The following PRRC2A variants were observed in gnomAD, a reference collection of about 807,000 sequenced individuals.
PRRC2A encodes protein PRRC2A.
A neutral mutation model predicts 224.6 loss-of-function variants in PRRC2A; 59 were observed. That is an observed-to-expected ratio of 0.26 (90% CI 0.21 to 0.33). PRRC2A has a LOEUF of 0.33. Among genes scored for constraint, PRRC2A ranks in the 10% least tolerant of loss-of-function variants. PRRC2A has a pLI of 1.00. For synonymous variants in PRRC2A, 1,194 were observed against 1,109.5 expected (o/e 1.08, Z -1.51); for missense variants, 3,095 against 2,880.7 (o/e 1.07, Z -1.70).
At chr6:31,630,505 G>T (rs1205520335) in intron 14 of PRRC2A, 86 bp from the exon 15 acceptor site, 3 of 1,396,894 alleles carry the variant, frequency 2.1e-6, no homozygotes, top group African/African-American at 1.4e-5. Context: ...TGGAAGAGCT[G>T]ACTTGACCGC....
chr6:31,636,044 T>A lies in PRRC2A; in HGVS notation c.5619T>A (p.Pro1873=). The A allele has an allele frequency of 6.2e-7, 1 of 1,610,922 alleles. No homozygotes were observed. The highest frequency in any genetic ancestry group is 8.5e-7 in the Non-Finnish European group (1 of 1,177,158). The change falls in exon 25 of 31, where the codon CCT becomes CCA. Residue 1873 remains proline, a synonymous_variant. Transcript: ENST00000376033. This position sits in a 1 kb window ranked among gnomAD's most constrained non-coding sequence, Gnocchi z 4.3. ...GCCCTGGGACACCCTCACTGCACCCTTACAGGTAAGACTCGATGCCTGTGG... is the reference window on the plus strand; with the variant it reads ...GCCCTGGGACACCCTCACTGCACCCATACAGGTAAGACTCGATGCCTGTGG... ...GFRPGTPSLH[P]YRSQPLYLPP...
rs1475186026 is a variant in PRRC2A, at chr6:31,631,182, A to G, written c.2509A>G (p.Ser837Gly). ...ACCTCCCCCACCACCCTATCTGGCC[A>G]GTTATCCAGGCTTTCCTGAGAATGG... is the stretch of plus-strand genomic sequence containing the variant. The part of the protein sequence containing the change: ...PVPPPPPYLA[S>G]YPGFPENGAP... Residue 837 changes from serine to glycine, a missense_variant, in exon 16 of 31, where the codon AGT becomes GGT. Ser to Gly is a moderately conservative substitution (Grantham distance 56). This residue lies in a region of PRRC2A where 2,001 missense variants were observed against 1,764.9 expected (regional missense o/e 1.13). Coordinates refer to ENST00000376033, the MANE Select transcript of PRRC2A (RefSeq NM_004638.4). The surrounding 1 kb of genome is among the most constrained non-coding windows in gnomAD (Gnocchi z 4.5). 6.3e-7 allele frequency: 1 copy of G among 1,575,760 alleles called. No homozygotes were observed. The highest frequency in any genetic ancestry group is 8.6e-7 in the Non-Finnish European group (1 of 1,162,062).
intron 16 of PRRC2A, 104 bp downstream of exon 16, chr6:31,633,096 G>T (rs1776862741): frequency 4.4e-6 from 6 of 1,364,496 alleles, no homozygotes; most frequent in Non-Finnish European, 5.8e-6. Context: ...TGGCCTGAGG[G>T]GCCATGGGCT....
chr6:31,628,106 A>G lies in PRRC2A; in HGVS notation c.1632A>G (p.Thr544=), dbSNP rs1776125454. Residue 544 remains threonine, a synonymous_variant, in exon 12 of 31, where the codon ACA becomes ACG. Transcript: ENST00000376033. ...CAGCATCAGCCCCAACACCAGAGAC[A>G]GAACCTGAAGAGCCAGCACAGGCCC... ...PPPASAPTPE[T]EPEEPAQAPP... is the part of the protein sequence containing the mutation. The G allele has an allele frequency of 1.2e-6, 2 of 1,613,156 alleles. No individual in the cohort carries two copies.
In PRRC2A at chr6:31,636,288, C is replaced by G. The variant is rs750068071; in HGVS notation, c.5704C>G (p.Leu1902Val). 2.5e-6 allele frequency: 4 copies of G among 1,613,026 alleles called. No individual in the cohort carries two copies. The highest frequency in any genetic ancestry group is 2.2e-5 in the South Asian group (2 of 91,086). ...TGGGTTAGCTCTCAAGGGCCAGTTT[C>G]TGGATTTCTCCACAATGCAAGCTAC... is the stretch of plus-strand genomic sequence containing the variant. Reference protein sequence around the residue: ...LSGLALKGQFLDFSTMQATEL... With the variant: ...LSGLALKGQFVDFSTMQATEL... Residue 1902 changes from leucine (L) to valine (V), a missense_variant, in exon 26 of 31, where the codon CTG becomes GTG. By Grantham distance (32) the Leu-to-Val change is conservative. Transcript: ENST00000376033. The surrounding 1 kb of genome is among the most constrained non-coding windows in gnomAD (Gnocchi z 4.3).
Position 31,629,748 on chromosome 6 carries a change from T to C in PRRC2A, c.2157T>C (p.Phe719=). ...GRPPPMPPMN[F]DPRWMMIPPY... ...CCCCACCCATGCCCCCAATGAACTT[T>C]GATCCCCGATGGATGATGATTCCTC... Residue 719 remains phenylalanine, a synonymous_variant, in exon 14 of 31, where the codon TTT becomes TTC. Transcript: ENST00000376033. The C allele has an allele frequency of 6.2e-7, 1 of 1,612,660 alleles. No homozygotes were observed. The highest frequency in any genetic ancestry group is 1.1e-5 in the South Asian group (1 of 90,924).
intron 14 of PRRC2A, 106 bp from the exon 15 acceptor site, chr6:31,630,485 G>A (rs1776423147): frequency 8.7e-7 from 1 of 1,148,216 alleles, no homozygotes; most frequent in Non-Finnish European, 1.3e-6. Context: ...GACCTACTGG[G>A]AACAAGAGAT....
In PRRC2A at chr6:31,627,707, A is replaced by T. The variant is rs1776069699; in HGVS notation, c.1291-58A>T. The T allele has an allele frequency of 3.6e-5, 56 of 1,576,514 alleles. No homozygotes were observed. The highest frequency in any genetic ancestry group is 4.8e-5 in the Non-Finnish European group (56 of 1,159,808). On this transcript the variant is annotated intron_variant, in intron 11 of 30. Transcript: ENST00000376033. The surrounding 1 kb of genome is among the most constrained non-coding windows in gnomAD (Gnocchi z 5.6). ...CGACAGTTGATTTGTTGTAAAAGAG[A>T]TGATAGAAAGCATAGTAACTGATTC... is the stretch of plus-strand genomic sequence containing the variant.
chr6:31,635,106 T>A, intron 21 of PRRC2A, 26 bp from the exon 22 acceptor site: 1 of 1,610,348 alleles, frequency 6.2e-7, no homozygotes, highest in Non-Finnish European at 8.5e-7. Flanking sequence ...CCTCCCCCAA[T>A]GCACTTTACT....
In PRRC2A at chr6:31,637,296, G is replaced by T; in HGVS notation, c.6305G>T (p.Arg2102Leu). The stretch of plus-strand genomic sequence containing the variant: ...CCTTCCACCTACAGTGGAGTCTTCC[G>T]CACCCAGCGCGTCGACCTTTACCAG... ...ATPSTYSGVF[R>L]TQRVDLYQQA... Residue 2102 changes from arginine to leucine, a missense_variant, in exon 30 of 31, where the codon CGC becomes CTC. This residue lies in a region of PRRC2A where 662 missense variants were observed against 609.5 expected (regional missense o/e 1.09). Coordinates refer to ENST00000376033, the MANE Select transcript of PRRC2A (RefSeq NM_004638.4). The T allele has an allele frequency of 8.1e-6, 13 of 1,612,366 alleles. No individual in the cohort carries two copies. The highest frequency in any genetic ancestry group is 1.0e-5 in the Non-Finnish European group (12 of 1,179,412).
At chr6:31,621,002 G>C (rs1462959998) in intron 1 of PRRC2A, 144 bp downstream of exon 1, 3 of 154,176 alleles carry the variant, frequency 1.9e-5, no homozygotes, top group East Asian at 3.8e-4. Context: ...TCCTGCTGCC[G>C]GGCCTGCTTG....
intron 15 of PRRC2A, 141 bp downstream of exon 15, chr6:31,630,942 G>A: frequency 1.5e-6 from 2 of 1,292,088 alleles, no homozygotes; most frequent in Non-Finnish European, 2.1e-6. Context: ...TGTAATCCCA[G>A]CATTTTGGGA....
Position 31,631,029 on chromosome 6 carries a change from A to G in PRRC2A, c.2466-110A>G. On this transcript the variant is annotated intron_variant, in intron 15 of 30. Transcript: ENST00000376033. This position sits in a 1 kb window ranked among gnomAD's most constrained non-coding sequence, Gnocchi z 4.5. ...AACTGGATGCCATCTCTGCCAAAAC[A>G]AACAGAAAAATAGTAAAAGAGAGTC... 1 of 1,313,894 alleles carries G rather than the reference A, an allele frequency of 7.6e-7. No individual in the cohort carries two copies. Among genetic ancestry groups the G allele is most frequent in the South Asian group, 1.4e-5 (1 of 70,198 alleles). The allele number at this position is 1,313,894 out of a possible 1,614,324, so 81.4% of individuals were successfully genotyped here.
intron 17 of PRRC2A, 99 bp downstream of exon 17, chr6:31,633,746 TG>T (rs748722605): frequency 1.3e-6 from 2 of 1,528,474 alleles, no homozygotes; most frequent in Non-Finnish European, 1.8e-6. Context: ...ACCCTGCTGC[TG>T]GGTGCGTTTC....
Position 31,636,875 on chromosome 6 carries a change from C to G in PRRC2A, c.6077C>G (p.Pro2026Arg), listed in dbSNP as rs1234713592. Residue 2026 changes from proline to arginine, a missense_variant, in exon 28 of 31, where the codon CCA becomes CGA. Transcript: ENST00000376033. This position sits in a 1 kb window ranked among gnomAD's most constrained non-coding sequence, Gnocchi z 4.3. ...LQPPSLAVRP[P>R]PAPATRVLPS... Reference sequence around the variant, plus strand: ...CCCCCCAGCCTGGCTGTGCGGCCCCCACCTGCTCCTGCTACTCGGGTGCTG... The same window carrying G: ...CCCCCCAGCCTGGCTGTGCGGCCCCGACCTGCTCCTGCTACTCGGGTGCTG... The G allele has an allele frequency of 6.2e-7, 1 of 1,613,030 alleles. No individual in the cohort carries two copies. The highest frequency in any genetic ancestry group is 2.2e-5 in the East Asian group (1 of 44,888).
At chr6:31,626,237 A>T (rs1238317996) in intron 9 of PRRC2A, 75 bp downstream of exon 9, 3 of 1,503,454 alleles carry the variant, frequency 2.0e-6, no homozygotes, top group South Asian at 1.2e-5. Flanking sequence ...ATACAGGGTT[A>T]TGTGGGTGAA....
Position 31,634,878 on chromosome 6 carries a change from T to C in PRRC2A, c.5061T>C (p.Pro1687=), listed in dbSNP as rs1328608803. 1 of 1,612,894 alleles carries C rather than the reference T, an allele frequency of 6.2e-7. No individual in the cohort carries two copies. The highest frequency in any genetic ancestry group is 1.3e-5 in the African/African-American group (1 of 74,906). ...CAGCAGAGGGACCCCCCAAGAGGCC[T>C]GGAGGCTCCTCACCCCTGAATGCTG... is the stretch of plus-strand genomic sequence containing the variant. ...KGAAEGPPKR[P]GGSSPLNAVP... The change falls in exon 21 of 31, where the codon CCT becomes CCC. Residue 1687 remains proline (P), a synonymous_variant. Transcript: ENST00000376033.
In PRRC2A at chr6:31,637,185, A is replaced by G. The variant is rs1214828824; in HGVS notation, c.6242+49A>G. On this transcript the variant is annotated intron_variant, in intron 29 of 30. Transcript: ENST00000376033. ...CTTTCCAAGTGCTTCCTTACTTTGG[A>G]ACCAGGGTCTGGATCCTAGGCTTGC... The G allele has an allele frequency of 2.5e-6, 4 of 1,607,580 alleles. No individual in the cohort carries two copies. In the East Asian group the frequency reaches 8.9e-5, roughly 36 times the overall value.
Position 31,631,686 on chromosome 6 carries a change from C to T in PRRC2A, c.3013C>T (p.Pro1005Ser), listed in dbSNP as rs749723793. 5 of 1,514,020 alleles carry T rather than the reference C, an allele frequency of 3.3e-6. No individual in the cohort carries two copies. The highest frequency in any genetic ancestry group is 3.5e-6 in the Non-Finnish European group (4 of 1,132,982). 93.8% of individuals were successfully genotyped at this position (1,514,020 alleles called of 1,614,324 possible). The change falls in exon 16 of 31, where the codon CCT becomes TCT. Residue 1005 changes from proline (P) to serine (S), a missense_variant. Pro to Ser is a moderately conservative substitution (Grantham distance 74, BLOSUM62 -1). Coordinates refer to ENST00000376033, the MANE Select transcript of PRRC2A (RefSeq NM_004638.4). This position sits in a 1 kb window ranked among gnomAD's most constrained non-coding sequence, Gnocchi z 4.5. Reference protein sequence around the residue: ...KETPPNGNLSPAPRLRRDYSY... With the variant: ...KETPPNGNLSSAPRLRRDYSY... Reference sequence around the variant, plus strand: ...GACCCCACCCAATGGAAATCTTTCCCCTGCCCCAAGGCTTCGGAGGGACTA... The same window carrying T: ...GACCCCACCCAATGGAAATCTTTCCTCTGCCCCAAGGCTTCGGAGGGACTA...
Sources: allele counts gnomAD v4.1 joint callset, GRCh38; gene constraint gnomAD v4.1.1; regional missense constraint gnomAD v4.1.1; non-coding constraint Gnocchi (gnomAD v3.1); transcripts MANE v1.5; gene names NCBI Gene and HGNC (gene_info 2026-07-23, HGNC 2026-07-21).